The following ARHGEF10L variants were observed in gnomAD, a reference collection of about 807,000 sequenced individuals.
ARHGEF10L encodes rho guanine nucleotide exchange factor 10-like protein.
In ARHGEF10L, 69 loss-of-function variants were observed where a neutral mutation model predicts 141.2. The ratio of observed to expected loss-of-function variants is 0.49; its 90% CI spans 0.40 to 0.60. The LOEUF (loss-of-function observed/expected upper bound fraction) is 0.60. Ranked by LOEUF, ARHGEF10L falls within the 20% of genes least tolerant of loss-of-function variation. The pLI is 0.00. For missense variants in ARHGEF10L, 1,482 were observed against 1,734.3 expected, an observed-to-expected ratio of 0.85 and a Z score of 2.58; for synonymous variants, 711 against 718.5, an observed-to-expected ratio of 0.99 and a Z score of 0.17.
At chr1:17,653,012 T>A (rs532650563) in intron 22 of ARHGEF10L, among the ~76,000 whole-genome samples, 1 of 152,166 alleles carries the variant, frequency 6.6e-6, no homozygotes, top group Non-Finnish European at 1.5e-5. Flanking sequence ...GCTCTGATGA[T>A]GAAATGAGCT....
intron 1 of ARHGEF10L, among the ~76,000 whole-genome samples, chr1:17,561,832 C>G (rs2077556317): frequency 6.6e-6 from 1 of 152,190 alleles, no homozygotes. Flanking sequence ...GATGGCAGTG[C>G]CTTTTGCCCT....
chr1:17,513,793 TTC>T, the ARHGEF10L span, among the ~76,000 whole-genome samples: 1 of 152,128 alleles, frequency 6.6e-6, no homozygotes, highest in African/African-American at 2.4e-5. Context: ...TGGAAATTCT[TTC>T]TTTTTTTCTC....
At chr1:17,664,736 G>A in intron 26 of ARHGEF10L, 141 bp downstream of exon 26, 4 of 1,140,264 alleles carry the variant, frequency 3.5e-6, no homozygotes, top group Non-Finnish European at 3.5e-6. Flanking sequence ...GGAAGCAGAG[G>A]GGGCCCAAGG....
chr1:17,648,485 G>A, intron 21 of ARHGEF10L, 69 bp from the exon 22 acceptor site: 4 of 1,583,006 alleles, frequency 2.5e-6, no homozygotes, highest in Middle Eastern at 4.2e-4. Context: ...GGGGCTTGGA[G>A]GGCTCCTCAT....
intron 1 of ARHGEF10L, among the ~76,000 whole-genome samples, chr1:17,544,531 G>C (rs1183736384): frequency 1.3e-5 from 2 of 152,104 alleles, no homozygotes; most frequent in Non-Finnish European, 2.9e-5. Flanking sequence ...CTGACCTCAG[G>C]TGATCTGCCC....
Position 17,587,590 on chromosome 1 carries a change from T to G in ARHGEF10L, c.168T>G (p.Ala56=). ...TSAALGVPSL[A]PERDTDPPLI... ...CAGCCCTGGGCGTCCCCAGCCTTGC[T>G]CCTGAGAGGGACACAGACCCCCCAC... The change falls in exon 3 of 29, where the codon GCT becomes GCG. Residue 56 remains alanine, a synonymous_variant. Transcript: ENST00000361221. 6.2e-7 allele frequency: 1 copy of G among 1,614,124 alleles called. No homozygotes were observed. Among genetic ancestry groups the G allele is most frequent in the Non-Finnish European group, 8.5e-7 (1 of 1,180,020 alleles).
intron 27 of ARHGEF10L, among the ~76,000 whole-genome samples, chr1:17,693,669 G>A (rs868577023): frequency 1.6e-4 from 25 of 152,152 alleles, no homozygotes; most frequent in African/African-American, 4.8e-4. Context: ...AAATGGGGCC[G>A]GCATTTGTGT....
chr1:17,641,848 G>A (rs1003360941), intron 21 of ARHGEF10L, among the ~76,000 whole-genome samples: 1 of 151,840 alleles, frequency 6.6e-6, no homozygotes, highest in African/African-American at 2.4e-5. Context: ...AGACATGGTG[G>A]CGCATGTCTG....
At chr1:17,645,589 G>C (rs1345743553) in intron 21 of ARHGEF10L, among the ~76,000 whole-genome samples, 1 of 152,132 alleles carries the variant, frequency 6.6e-6, no homozygotes, top group Admixed American at 6.5e-5. Context: ...TTGATTGTAA[G>C]TTCCTTGAGA....
In ARHGEF10L at chr1:17,603,443, T is replaced by A; in HGVS notation, c.350-65T>A. Reference sequence around the variant, plus strand: ...CAGCTGGTGCAGTCCTGATGTCATCTGCAGCACCTCTGGCCAGGCTGCCAC... The same window carrying A: ...CAGCTGGTGCAGTCCTGATGTCATCAGCAGCACCTCTGGCCAGGCTGCCAC... On this transcript the variant is annotated intron_variant, in intron 5 of 28. Coordinates refer to ENST00000361221, the MANE Select transcript of ARHGEF10L (RefSeq NM_018125.4). The surrounding 1 kb of genome is among the most constrained non-coding windows in gnomAD (Gnocchi z 4.8). The A allele has an allele frequency of 7.3e-7, 1 of 1,366,502 alleles. No individual in the cohort carries two copies. Among genetic ancestry groups the A allele is most frequent in the South Asian group, 1.3e-5 (1 of 77,882 alleles). 84.6% of individuals were successfully genotyped at this position (1,366,502 alleles called of 1,614,324 possible).
Position 17,656,425 on chromosome 1 carries a change from C to T in ARHGEF10L, c.2706-129C>T, listed in dbSNP as rs1186923520. ...CCCGCATGGTGGAGCTATGGCCTGG[C>T]CACACAGCCGAAAGGCGTGGCTGAG... On this transcript the variant is annotated intron_variant, in intron 24 of 28. Transcript: ENST00000361221. This position sits in a 1 kb window ranked among gnomAD's most constrained non-coding sequence, Gnocchi z 4.9. 1.7e-6 allele frequency: 2 copies of T among 1,181,134 alleles called. No individual in the cohort carries two copies. The highest frequency in any genetic ancestry group is 2.4e-6 in the Non-Finnish European group (2 of 830,100). 73.2% of individuals were successfully genotyped at this position (1,181,134 alleles called of 1,614,324 possible).
At chr1:17,648,113 G>A (rs915838153) in intron 21 of ARHGEF10L, among the ~76,000 whole-genome samples, 6 of 152,224 alleles carry the variant, frequency 3.9e-5, no homozygotes, top group Non-Finnish European at 8.8e-5. Flanking sequence ...TTCATGGTCT[G>A]TCTCCTACTC....
intron 1 of ARHGEF10L, among the ~76,000 whole-genome samples, chr1:17,552,571 G>GC (rs2077153760): frequency 2.2e-5 from 1 of 44,918 alleles, no homozygotes; most frequent in African/African-American, 1.2e-4. Flanking sequence ...GCTAATTTTC[G>GC]TTTTTTTTTT....
the ARHGEF10L span, among the ~76,000 whole-genome samples, chr1:17,516,415 A>G: frequency 6.6e-6 from 1 of 152,218 alleles, no homozygotes; most frequent in South Asian, 2.1e-4. Flanking sequence ...ACAGGGCCAG[A>G]GAGGAGATTC....
At chr1:17,547,209 T>C (rs2076949328) in intron 1 of ARHGEF10L, among the ~76,000 whole-genome samples, 1 of 152,242 alleles carries the variant, frequency 6.6e-6, no homozygotes, top group South Asian at 2.1e-4. Flanking sequence ...CTCCCTGCCA[T>C]GGGGTTCATC....
intron 26 of ARHGEF10L, among the ~76,000 whole-genome samples, chr1:17,676,038 A>ATGCAGGTGTAGGTGCAGGCATGGG (rs1156925228): frequency 6.0e-5 from 4 of 66,232 alleles, no homozygotes; most frequent in African/African-American, 2.4e-4. Context: ...GCAGGTATGG[A>ATGCAGGTGTAGGTGCAGGCATGGG]TGCAGGTGTA....
intron 14 of ARHGEF10L, among the ~76,000 whole-genome samples, chr1:17,626,423 A>G (rs1557862545): frequency 6.6e-6 from 1 of 152,078 alleles, no homozygotes; most frequent in African/African-American, 2.4e-5. Flanking sequence ...CCTAAGGGAC[A>G]TTAGCCCCAC....
Position 17,654,771 on chromosome 1 carries a change from T to A in ARHGEF10L, c.2481+49T>A. ...GGGCATTCTGGCCTCAGGACAGGAGTAGGGAGAGCGGCACCTGGGAGGGGG... is the reference window on the plus strand; with the variant it reads ...GGGCATTCTGGCCTCAGGACAGGAGAAGGGAGAGCGGCACCTGGGAGGGGG... On this transcript the variant is annotated intron_variant, in intron 23 of 28. Coordinates refer to ENST00000361221, the MANE Select transcript of ARHGEF10L (RefSeq NM_018125.4). This position sits in a 1 kb window ranked among gnomAD's most constrained non-coding sequence, Gnocchi z 4.3. 6.5e-7 allele frequency: 1 copy of A among 1,543,724 alleles called. No individual in the cohort carries two copies.
At chr1:17,586,171 A>G (rs904962880) in intron 2 of ARHGEF10L, among the ~76,000 whole-genome samples, 1 of 152,214 alleles carries the variant, frequency 6.6e-6, no homozygotes, top group Non-Finnish European at 1.5e-5. Context: ...CAATTGTACC[A>G]AGGCTGAGAA....
Sources: allele counts gnomAD v4.1 joint callset (sites outside exome capture counted in the v4.1 genomes callset), GRCh38; gene constraint gnomAD v4.1.1; non-coding constraint Gnocchi (gnomAD v3.1); transcripts MANE v1.5; gene names NCBI Gene and HGNC (gene_info 2026-07-23, HGNC 2026-07-21).